Variants in TCHP observed in about 807,000 individuals in gnomAD.
The protein encoded by TCHP is trichoplein keratin filament binding.
Under a neutral mutation model 88.7 loss-of-function variants are expected in TCHP, and 81 were observed. The ratio of observed to expected loss-of-function variants is 0.91; its 90% confidence interval spans 0.76 to 1.10. The LOEUF (loss-of-function observed/expected upper bound fraction) is 1.10, where lower values mean the gene tolerates loss of function less well. Ranked by LOEUF, TCHP falls within the 50% of genes least tolerant of loss-of-function variation. The pLI is 0.00. For missense variants in TCHP, 641 were observed against 632.1 expected (o/e 1.01, Z -0.15); for synonymous variants, 232 against 232.5 (o/e 1.00, Z 0.02).
chr12:109,888,172 T>G, the TCHP span: 1 of 152,198 alleles, frequency 6.6e-6, no homozygotes, highest in Non-Finnish European at 1.5e-5. Context: ...GATTGAATTG[T>G]TCAAGAATAG....
upstream of TCHP, among the ~76,000 whole-genome samples, chr12:109,898,607 C>T (rs932566678): frequency 5.9e-5 from 9 of 152,162 alleles, no homozygotes; most frequent in Non-Finnish European, 1.2e-4. Context: ...CATGGTATAG[C>T]TTGAAACCTG....
At chr12:109,914,745 G>A (rs1463138267) in intron 11 of TCHP, 118 bp downstream of exon 11, 1 of 785,038 alleles carries the variant, frequency 1.3e-6, no homozygotes, top group African/African-American at 1.8e-5. Flanking sequence ...TGAGAGCACG[G>A]TGCTCCCGTT....
the TCHP span, among the ~76,000 whole-genome samples, chr12:109,883,047 T>C: frequency 2.0e-5 from 3 of 151,202 alleles, no homozygotes; most frequent in East Asian, 5.8e-4. Flanking sequence ...TTTTCTTTTT[T>C]TTTTTTTGAG....
chr12:109,907,227 A>G (rs947469459), intron 5 of TCHP, among the ~76,000 whole-genome samples: 60 of 152,172 alleles, frequency 3.9e-4, no homozygotes, highest in African/African-American at 1.4e-3. Context: ...CTCTCTTTTG[A>G]TGAAATCTGC....
At chr12:109,891,897 A>T in the TCHP span, among the ~76,000 whole-genome samples, 3 of 151,758 alleles carry the variant, frequency 2.0e-5, no homozygotes, top group African/African-American at 7.3e-5. Flanking sequence ...TTTAGTAGAG[A>T]CGGGGTTTCA....
chr12:109,891,760 A>G, the TCHP span, among the ~76,000 whole-genome samples: 1 of 150,436 alleles, frequency 6.6e-6, no homozygotes, highest in African/African-American at 2.5e-5. Context: ...GCTGGCGTGC[A>G]CTGGCGAGAT....
At chr12:109,908,038 C>T (rs1402770366) in intron 6 of TCHP, among the ~76,000 whole-genome samples, 2 of 152,210 alleles carry the variant, frequency 1.3e-5, no homozygotes, top group South Asian at 2.1e-4. Context: ...GCACCCAGCT[C>T]TCCGTGGGGA....
intron 5 of TCHP, among the ~76,000 whole-genome samples, chr12:109,907,037 G>A (rs938685466): frequency 7.9e-5 from 12 of 152,086 alleles, no homozygotes; most frequent in African/African-American, 1.2e-4. Context: ...CCACAGGTAC[G>A]CACCACTGCG....
Position 109,903,110 on chromosome 12 carries a change from C to A in TCHP, c.84C>A (p.Ala28=). ...TAGCACGACAGCGAGAGCAGGAGGCCCGGCTTCGGCAGCAGTGGGAGCAGA... is the reference window on the plus strand; with the variant it reads ...TAGCACGACAGCGAGAGCAGGAGGCACGGCTTCGGCAGCAGTGGGAGCAGA... ...QQLARQREQE[A]RLRQQWEQNS... Residue 28 remains alanine, a synonymous_variant, in exon 2 of 13, where the codon GCC becomes GCA. Coordinates refer to ENST00000405876, the MANE Select transcript of TCHP (RefSeq NM_001143852.2). This position sits in a 1 kb window ranked among gnomAD's most constrained non-coding sequence, Gnocchi z 4.6. 6.2e-7 allele frequency: 1 copy of A among 1,614,002 alleles called. No homozygotes were observed. The highest frequency in any genetic ancestry group is 2.2e-5 in the East Asian group (1 of 44,886).
chr12:109,893,823 T>C, the TCHP span, among the ~76,000 whole-genome samples: 2 of 152,100 alleles, frequency 1.3e-5, no homozygotes, highest in Admixed American at 6.5e-5. Context: ...CCAATGGAAA[T>C]GGGAAGCTAT....
intron 12 of TCHP, 151 bp downstream of exon 12, chr12:109,915,697 C>T (rs1870778447): frequency 9.6e-7 from 1 of 1,039,974 alleles, no homozygotes; most frequent in Non-Finnish European, 1.4e-6. Flanking sequence ...TTTCTCTCTT[C>T]CCTGACCAGC....
At chr12:109,884,428 T>G in the TCHP span, among the ~76,000 whole-genome samples, 1 of 152,178 alleles carries the variant, frequency 6.6e-6, no homozygotes, top group African/African-American at 2.4e-5. Context: ...GACCTCATGA[T>G]CCACCTGCCT....
Position 109,915,454 on chromosome 12 carries a change from G to A in TCHP, c.1372G>A (p.Glu458Lys). Reference sequence around the variant, plus strand: ...GGAAGCAGACCAGCAGGAGGAGGAGGAAGAGGAGGAGGCCCGGCGGGTCGA... The same window carrying A: ...GGAAGCAGACCAGCAGGAGGAGGAGAAAGAGGAGGAGGCCCGGCGGGTCGA... ...AWEADQQEEE[E>K]EEEARRVEQL... The change falls in exon 12 of 13, where the codon GAA becomes AAA. Residue 458 changes from glutamate to lysine, a missense_variant. Glu to Lys is a moderately conservative substitution (Grantham distance 56). Coordinates refer to ENST00000405876, the MANE Select transcript of TCHP (RefSeq NM_001143852.2). The A allele has an allele frequency of 1.9e-6, 3 of 1,614,120 alleles. No individual in the cohort carries two copies. Among genetic ancestry groups the A allele is most frequent in the Non-Finnish European group, 2.5e-6 (3 of 1,180,006 alleles).
the TCHP span, among the ~76,000 whole-genome samples, chr12:109,885,488 T>G: frequency 3.4e-5 from 5 of 148,392 alleles, no homozygotes; most frequent in Non-Finnish European, 6.0e-5. Context: ...GTTTTTTTTT[T>G]TTTTTTTTTT....
Position 109,904,297 on chromosome 12 carries a change from C to T in TCHP, c.399+150C>T. The stretch of plus-strand genomic sequence containing the variant: ...CAGGAAAAGAGCTTAGGTCCTTGTG[C>T]AGGGACTGGGTTTTGGATCAGTTAG... On this transcript the variant is annotated intron_variant, in intron 3 of 12. Transcript: ENST00000405876. 7 of 691,382 alleles carry T rather than the reference C, an allele frequency of 1.0e-5. No homozygotes were observed. The South Asian group carries it at 1.1e-4, about 11-fold the overall frequency. 42.8% of individuals were successfully genotyped at this position (691,382 alleles called of 1,614,324 possible).
At chr12:109,884,553 A>T in the TCHP span, among the ~76,000 whole-genome samples, 1 of 152,204 alleles carries the variant, frequency 6.6e-6, no homozygotes, top group Non-Finnish European at 1.5e-5. Context: ...TCTTCACCTG[A>T]CTACTCATCC....
chr12:109,881,398 T>G, the TCHP span, among the ~76,000 whole-genome samples: 1 of 152,240 alleles, frequency 6.6e-6, no homozygotes, highest in Non-Finnish European at 1.5e-5. Context: ...CCTCTCCATT[T>G]GCAATAGGGC....
At chr12:109,886,568 C>T in the TCHP span, among the ~76,000 whole-genome samples, 6 of 152,286 alleles carry the variant, frequency 3.9e-5, no homozygotes, top group East Asian at 1.2e-3. Flanking sequence ...CAAGATATTC[C>T]AAGCTTATCT....
At chr12:109,909,087 G>C (rs758230459) in intron 8 of TCHP, 150 bp downstream of exon 8, 1 of 691,056 alleles carries the variant, frequency 1.4e-6, no homozygotes, top group Non-Finnish European at 2.5e-6. Context: ...TACATCCCTC[G>C]GTTGGGAGAT....
Sources: allele counts gnomAD v4.1 joint callset (sites outside exome capture counted in the v4.1 genomes callset), GRCh38; gene constraint gnomAD v4.1.1; non-coding constraint Gnocchi (gnomAD v3.1); transcripts MANE v1.5; gene names NCBI Gene and HGNC (gene_info 2026-07-23, HGNC 2026-07-21).